Variants in CRYBG3 observed in about 807,000 individuals in gnomAD.
The protein encoded by CRYBG3 is very large A-kinase anchor protein.
Under a neutral mutation model 244.2 loss-of-function variants are expected in CRYBG3, and 127 were observed. The ratio of observed to expected loss-of-function variants is 0.52; its 90% CI spans 0.45 to 0.60. The LOEUF (loss-of-function observed/expected upper bound fraction) is 0.60, where lower values mean the gene tolerates loss of function less well. Among genes scored for constraint, CRYBG3 ranks in the 20% least tolerant of loss-of-function variants. The probability of loss-of-function intolerance (pLI) is 0.00; values close to 1 mark genes in which losing one functional copy is unlikely to be tolerated. For missense variants in CRYBG3, 3,325 were observed against 3,442.5 expected (o/e 0.97, Z 0.85); for synonymous variants, 1,132 against 1,195.8 (o/e 0.95, Z 1.10).
At position 97,864,671 on chromosome 3, in the gene CRYBG3, C is replaced by T. The variant is rs1425025268; in HGVS notation, c.647+24C>T. The T allele has an allele frequency of 2.7e-6, 4 of 1,475,358 alleles. No homozygotes were observed. The East Asian group carries it at 9.9e-5, about 36-fold the overall frequency. The allele number at this position is 1,475,358 out of a possible 1,614,324, so 91.4% of individuals were successfully genotyped here. The stretch of plus-strand genomic sequence containing the variant: ...AAGTAAGTTTAAAATTTCATTGAAC[C>T]AAAAAAAATTGAGCTTTTTGGACCT... On this transcript the variant is annotated intron_variant, in intron 3 of 21. Coordinates refer to ENST00000389622, the MANE Select transcript of CRYBG3 (RefSeq NM_153605.4).
chr3:97,875,816 C>CCTGT lies in CRYBG3; in HGVS notation c.4622_4623insCTGT (p.Ser1542CysfsTer15). 8.1e-7 allele frequency: 1 copy of CCTGT among 1,231,500 alleles called. No individual in the cohort carries two copies. The highest frequency in any genetic ancestry group is 1.0e-6 in the Non-Finnish European group (1 of 987,508). The allele number at this position is 1,231,500 out of a possible 1,614,324, so 76.3% of individuals were successfully genotyped here. A position where few individuals can be genotyped will look rare whatever the true frequency, so the allele number is the denominator to read the frequency against. ...AATATAGGGAAAATTGAACTTATAC[C>CCTGT]TTCCATGTTAGAAACAGGGAAAACA... On this transcript the variant is annotated frameshift_variant, in exon 4 of 22. Transcript: ENST00000389622. LOFTEE classifies it high-confidence loss of function.
chr3:97,886,262 G>A (rs1201577385), intron 7 of CRYBG3, among the ~76,000 whole-genome samples: 1 of 151,912 alleles, frequency 6.6e-6, no homozygotes, highest in African/African-American at 2.4e-5. Context: ...CTCCCTTATG[G>A]TTTTATTATA....
At chr3:97,903,592 C>T (rs1668539354) in intron 15 of CRYBG3, among the ~76,000 whole-genome samples, 1 of 152,056 alleles carries the variant, frequency 6.6e-6, no homozygotes, top group Admixed American at 6.6e-5. Context: ...AAGAAAGTTT[C>T]TCATAGAAAC....
chr3:97,848,331 T>G (rs2038932383), intron 2 of CRYBG3, among the ~76,000 whole-genome samples: 1 of 152,174 alleles, frequency 6.6e-6, no homozygotes, highest in South Asian at 2.1e-4. Context: ...GGAGTCTCGC[T>G]CTGTCACCCA....
intron 12 of CRYBG3, among the ~76,000 whole-genome samples, chr3:97,898,032 A>G (rs1236754080): frequency 1.3e-5 from 2 of 151,918 alleles, no homozygotes; most frequent in Admixed American, 1.3e-4. Context: ...CATCCTGGCT[A>G]ACACAGTGAA....
chr3:97,873,781 A>G lies in CRYBG3; in HGVS notation c.2587A>G (p.Ile863Val). ...TAAAATGTCTTCTTTTCCATTGAAAATTACCCATGTTCCAGAAAAGCCTAT... is the reference window on the plus strand; with the variant it reads ...TAAAATGTCTTCTTTTCCATTGAAAGTTACCCATGTTCCAGAAAAGCCTAT... ...QDKMSSFPLK[I>V]THVPEKPILS... is the part of the protein sequence containing the mutation. The change falls in exon 4 of 22, where the codon ATT becomes GTT. Residue 863 changes from isoleucine to valine, a missense_variant. By Grantham distance (29) the Ile-to-Val change is conservative. Transcript: ENST00000389622. The G allele has an allele frequency of 1.3e-6, 2 of 1,533,594 alleles. No homozygotes were observed. The highest frequency in any genetic ancestry group is 1.7e-6 in the Non-Finnish European group (2 of 1,146,254). The allele number at this position is 1,533,594 out of a possible 1,614,324, so 95.0% of individuals were successfully genotyped here. A position where few individuals can be genotyped will look rare whatever the true frequency, so the allele number is the denominator to read the frequency against.
chr3:97,866,602 G>A (rs77502078), intron 3 of CRYBG3, among the ~76,000 whole-genome samples: 3,090 of 152,200 alleles, frequency 0.02, 80 homozygotes, highest in African/African-American at 0.068. Flanking sequence ...TTGACATCTA[G>A]CATTTTAAAG....
rs1292950211 is a variant in CRYBG3 at position 97,888,400 on chromosome 3, A to G, written c.7349A>G (p.His2450Arg). 1.2e-6 allele frequency: 2 copies of G among 1,613,294 alleles called. No homozygotes were observed. Among genetic ancestry groups the G allele is most frequent in the Non-Finnish European group, 1.7e-6 (2 of 1,179,400 alleles). The change falls in exon 9 of 22, where the codon CAT (histidine) becomes CGT (arginine). Residue 2450 changes from histidine to arginine, a missense_variant. Transcript: ENST00000389622. ...KGQATVLEED[H>R]GLFEISTAEM... is the part of the protein sequence containing the mutation. The stretch of plus-strand genomic sequence containing the variant: ...CAAGCTACAGTTCTGGAGGAAGACC[A>G]TGGGCTCTTTGAGATTTCTACAGCA...
At chr3:97,865,431 C>G (rs1412456715) in intron 3 of CRYBG3, among the ~76,000 whole-genome samples, 1 of 152,106 alleles carries the variant, frequency 6.6e-6, no homozygotes, top group African/African-American at 2.4e-5. Context: ...CCAGGAAGTT[C>G]TTTATAGTTT....
At chr3:97,852,593 G>T (rs976648954) in intron 2 of CRYBG3, among the ~76,000 whole-genome samples, 1 of 152,178 alleles carries the variant, frequency 6.6e-6, no homozygotes, top group East Asian at 1.9e-4. Flanking sequence ...TTGACACTTA[G>T]ATTAATTCCA....
intron 1 of CRYBG3, among the ~76,000 whole-genome samples, chr3:97,841,241 TACATATATGTATATATGTGTATAC>T (rs574112962): frequency 0.025 from 3,793 of 150,238 alleles, 72 homozygotes; most frequent in African/African-American, 0.049. Context: ...TGTGTGTATA[TACATATATGTATATATGTGTATAC>T]ACATATATGT....
intron 15 of CRYBG3, among the ~76,000 whole-genome samples, chr3:97,911,604 A>T (rs764136079): frequency 6.6e-6 from 1 of 152,218 alleles, no homozygotes; most frequent in African/African-American, 2.4e-5. Context: ...TAATCCCGTC[A>T]TTATTATCTC....
intron 1 of CRYBG3, among the ~76,000 whole-genome samples, chr3:97,835,019 A>C (rs745506270): frequency 1.3e-5 from 2 of 152,168 alleles, no homozygotes; most frequent in African/African-American, 2.4e-5. Flanking sequence ...ATATGTCTTC[A>C]TGTCTAAATA....
At chr3:97,911,621 C>T (rs2039872996) in intron 15 of CRYBG3, among the ~76,000 whole-genome samples, 1 of 152,206 alleles carries the variant, frequency 6.6e-6, no homozygotes, top group Non-Finnish European at 1.5e-5. Flanking sequence ...TCTCCTCTGC[C>T]ATCTGCTTCT....
chr3:97,942,344 C>G lies in CRYBG3; in HGVS notation c.8725C>G (p.Leu2909Val). The change falls in exon 21 of 22, where the codon CTA (leucine) becomes GTA (valine). Residue 2909 changes from leucine (L) to valine (V), a missense_variant. Around this residue, in one of 4 missense-constraint regions of CRYBG3, gnomAD observed 714 missense variants for 803.6 expected, o/e 0.89. Transcript: ENST00000389622. Reference sequence around the variant, plus strand: ...GGACACACCTGGAGCTAAAGTAGCTCTATGGACTGAACATGGGCAATTCAG... The same window carrying G: ...GGACACACCTGGAGCTAAAGTAGCTGTATGGACTGAACATGGGCAATTCAG... ...GRDTPGAKVA[L>V]WTEHGQFRQK... 6.2e-7 allele frequency: 1 copy of G among 1,611,852 alleles called. No homozygotes were observed. Among genetic ancestry groups the G allele is most frequent in the East Asian group, 2.2e-5 (1 of 44,810 alleles).
chr3:97,824,236 A>C (rs1174533467), intron 1 of CRYBG3, among the ~76,000 whole-genome samples: 1 of 152,230 alleles, frequency 6.6e-6, no homozygotes, highest in East Asian at 1.9e-4. Flanking sequence ...CAACACCCTG[A>C]TGTTAACAAG....
chr3:97,940,330 C>G (rs553086200), intron 19 of CRYBG3, among the ~76,000 whole-genome samples: 1 of 152,146 alleles, frequency 6.6e-6, no homozygotes, highest in East Asian at 1.9e-4. Flanking sequence ...TAAGAGGAAC[C>G]TGGCTTCTTT....
At chr3:97,938,518 CT>C (rs2040189020) in intron 19 of CRYBG3, among the ~76,000 whole-genome samples, 1 of 151,864 alleles carries the variant, frequency 6.6e-6, no homozygotes, top group African/African-American at 2.4e-5. Context: ...TTGGTCTTCT[CT>C]CACCCTCTTC....
At chr3:97,883,729 G>A (rs1157458816) in intron 7 of CRYBG3, among the ~76,000 whole-genome samples, 1 of 152,062 alleles carries the variant, frequency 6.6e-6, no homozygotes, top group Non-Finnish European at 1.5e-5. Flanking sequence ...ATTGAGCATT[G>A]AATGGAAGAG....
Sources: allele counts gnomAD v4.1 joint callset (sites outside exome capture counted in the v4.1 genomes callset), GRCh38; gene constraint gnomAD v4.1.1; regional missense constraint gnomAD v4.1.1; transcripts MANE v1.5; gene names NCBI Gene and HGNC (gene_info 2026-07-23, HGNC 2026-07-21).